KCNT2: variants seen among roughly 807,000 people sequenced by gnomAD.
KCNT2 encodes the protein potassium channel subfamily T member 2.
In KCNT2, 67 loss-of-function variants were observed where a neutral mutation model predicts 153.8. The ratio of observed to expected loss-of-function variants is 0.44; its 90% confidence interval spans 0.36 to 0.53. The LOEUF (loss-of-function observed/expected upper bound fraction) is 0.53. KCNT2 is among the 20% of genes least tolerant of loss of function. The pLI is 0.00. For synonymous variants in KCNT2, 500 were observed against 458.8 expected (o/e 1.09, Z -1.15); for missense variants, 975 against 1,354.8 (o/e 0.72, Z 4.40).
At chr1:196,331,410 GTAGGCAAACTGTGGCC>G in intron 17 of KCNT2, 149 bp from the exon 18 acceptor site, 1 of 593,700 alleles carries the variant, frequency 1.7e-6, no homozygotes, top group East Asian at 2.9e-5. Context: ...AAGAAGAGAG[GTAGGCAAACTGTGGCC>G]CCAGGATCAA....
chr1:196,281,716 C>T lies in KCNT2; in HGVS notation c.2781+557G>A, dbSNP rs867095737. Among the ~76,000 whole-genome samples the T allele has an allele frequency of 2.6e-5, 4 of 151,578 alleles. 1 individual carries two copies. Among genetic ancestry groups the T allele is most frequent in the Middle Eastern group, 6.8e-3 (2 of 292 alleles). On this transcript the variant is annotated intron_variant, in intron 24 of 27. Coordinates refer to ENST00000294725, the MANE Select transcript of KCNT2 (RefSeq NM_198503.5). ...TTTTTGTGGACAGTATAGTATCCTA[C>T]GGCAGTTTCAAATTGCCAGTTAACA...
At chr1:196,333,042 G>A (rs536512780) in intron 17 of KCNT2, among the ~76,000 whole-genome samples, 96 of 151,594 alleles carry the variant, frequency 6.3e-4, no homozygotes, top group South Asian at 1.3e-3. Context: ...CTGCCATCTC[G>A]GCCTTCCAAA....
At chr1:196,500,270 AAGGAAGGAAGGG>A (rs1680579736) in intron 1 of KCNT2, among the ~76,000 whole-genome samples, 1 of 33,628 alleles carries the variant, frequency 3.0e-5, no homozygotes, top group African/African-American at 8.5e-5. Context: ...GGAAGGAAGG[AAGGAAGGAAGGG>A]AGGGAGGGAG....
rs78171674 is a variant in KCNT2 at position 196,536,743 on chromosome 1, A to T, written c.96-44402T>A. ...CCACTGGGTAAGTCATCCATACGAC[A>T]ACTGCAGCCTATCCTGTCACACTCT... On this transcript the variant is annotated intron_variant, in intron 1 of 27. Transcript: ENST00000294725. Among the ~76,000 whole-genome samples, 665 of 152,272 alleles carry T rather than the reference A, an allele frequency of 4.4e-3. 8 individuals are homozygous for T. Among genetic ancestry groups the T allele is most frequent in the East Asian group, 0.029 (151 of 5,176 alleles).
chr1:196,291,100 T>C (rs181449815), intron 22 of KCNT2, among the ~76,000 whole-genome samples: 4 of 152,270 alleles, frequency 2.6e-5, no homozygotes, highest in Admixed American at 2.0e-4. Flanking sequence ...TTCTTCCTCA[T>C]ATTTGGGTTC....
chr1:196,249,151 C>G lies in KCNT2; in HGVS notation c.3211+9043G>C, dbSNP rs112299449. ...AAAAATTGGGTATAGGAGGAACAAA[C>G]CTCAACACAATAAAACCATAACAAC... is the stretch of plus-strand genomic sequence containing the variant. On this transcript the variant is annotated intron_variant, in intron 26 of 27. Coordinates refer to ENST00000294725, the MANE Select transcript of KCNT2 (RefSeq NM_198503.5). 5.1e-3 allele frequency among the ~76,000 whole-genome samples: 771 copies of G among 151,994 alleles called. 6 individuals are homozygous for G. The highest frequency in any genetic ancestry group is 0.016 in the African/African-American group (675 of 41,466).
intron 1 of KCNT2, among the ~76,000 whole-genome samples, chr1:196,550,106 T>A (rs1657693763): frequency 6.6e-6 from 1 of 151,904 alleles, no homozygotes; most frequent in Non-Finnish European, 1.5e-5. Context: ...GTTAAAAAAA[T>A]TTTTTGATAC....
intron 1 of KCNT2, among the ~76,000 whole-genome samples, chr1:196,518,196 C>T (rs1652859744): frequency 6.6e-6 from 1 of 152,072 alleles, no homozygotes; most frequent in Non-Finnish European, 1.5e-5. Flanking sequence ...GAAATATGAT[C>T]CTTTCCAGAT....
At chr1:196,434,899 T>C (rs2148561320) in intron 8 of KCNT2, among the ~76,000 whole-genome samples, 1 of 151,638 alleles carries the variant, frequency 6.6e-6, no homozygotes, top group East Asian at 2.0e-4. Flanking sequence ...GAAAGAGAAC[T>C]AAGATGTCCT....
intron 12 of KCNT2, among the ~76,000 whole-genome samples, chr1:196,422,170 A>G (rs1052110241): frequency 1.3e-5 from 2 of 152,020 alleles, no homozygotes; most frequent in African/African-American, 4.8e-5. Flanking sequence ...AGTTTAGGTA[A>G]ATTAGAGTGA....
At chr1:196,376,240 T>C (rs1361819056) in intron 13 of KCNT2, among the ~76,000 whole-genome samples, 1 of 151,900 alleles carries the variant, frequency 6.6e-6, no homozygotes, top group East Asian at 1.9e-4. Flanking sequence ...ACATCCATAA[T>C]TCTTAAGGCT....
intron 1 of KCNT2, among the ~76,000 whole-genome samples, chr1:196,516,776 T>G (rs1222404931): frequency 6.6e-6 from 1 of 152,180 alleles, no homozygotes; most frequent in Non-Finnish European, 1.5e-5. Context: ...TCCAGAGAGA[T>G]CTGCAGGCTG....
intron 13 of KCNT2, among the ~76,000 whole-genome samples, chr1:196,376,192 C>T (rs1668953727): frequency 6.6e-6 from 1 of 151,606 alleles, no homozygotes. Context: ...TTCTTTTTTT[C>T]CCATTGTCAT....
chr1:196,300,151 T>A (rs1661049952), intron 22 of KCNT2, among the ~76,000 whole-genome samples: 1 of 152,172 alleles, frequency 6.6e-6, no homozygotes, highest in Admixed American at 6.5e-5. Context: ...ATTTCTGAAG[T>A]TACATAGGTA....
At chr1:196,571,118 T>C (rs1365412562) in intron 1 of KCNT2, among the ~76,000 whole-genome samples, 2 of 152,110 alleles carry the variant, frequency 1.3e-5, no homozygotes. Flanking sequence ...TAGTATCTCA[T>C]AGTACCTGAG....
chr1:196,242,217 G>T (rs931708851), intron 26 of KCNT2, among the ~76,000 whole-genome samples: 1 of 152,052 alleles, frequency 6.6e-6, no homozygotes, highest in African/African-American at 2.4e-5. Context: ...GGAACATAGT[G>T]TACATTTATA....
intron 16 of KCNT2, among the ~76,000 whole-genome samples, chr1:196,340,118 A>G (rs1665472655): frequency 6.6e-6 from 1 of 151,990 alleles, no homozygotes; most frequent in Admixed American, 6.6e-5. Context: ...TGGAATAGGT[A>G]GTATTATAGA....
chr1:196,586,686 A>G (rs78410233), intron 1 of KCNT2, among the ~76,000 whole-genome samples: 1 of 151,488 alleles, frequency 6.6e-6, no homozygotes, highest in East Asian at 1.9e-4. Flanking sequence ...CAAATAATTT[A>G]GAGGCTACTA....
intron 1 of KCNT2, among the ~76,000 whole-genome samples, chr1:196,569,194 T>C (rs1660477366): frequency 6.6e-6 from 1 of 152,192 alleles, no homozygotes; most frequent in Non-Finnish European, 1.5e-5. Flanking sequence ...TATTTTTTAA[T>C]TTATTTCTTT....
Sources: allele counts gnomAD v4.1 joint callset (sites outside exome capture counted in the v4.1 genomes callset), GRCh38; gene constraint gnomAD v4.1.1; transcripts MANE v1.5; gene names NCBI Gene and HGNC (gene_info 2026-07-23, HGNC 2026-07-21).